Variants in KCNMA1 observed in about 807,000 individuals in gnomAD.
KCNMA1 encodes Calcium-activated potassium channel subunit alpha-1.
In KCNMA1, 29 loss-of-function variants were observed where a neutral mutation model predicts 140.0. That is an observed-to-expected ratio of 0.21 (90% CI 0.15 to 0.28). The LOEUF (loss-of-function observed/expected upper bound fraction) is 0.28, where lower values mean the gene tolerates loss of function less well. Among genes scored for constraint, KCNMA1 ranks in the 10% least tolerant of loss-of-function variants. The pLI, the probability that KCNMA1 is intolerant of heterozygous loss-of-function variation, is 1.00. For synonymous variants in KCNMA1, 612 were observed against 611.9 expected, an observed-to-expected ratio of 1.00 and a Z score of 0.00; for missense variants, 880 against 1,602.2, an observed-to-expected ratio of 0.55 and a Z score of 7.70.
chr10:77,258,187 G>A (rs1424593096), intron 2 of KCNMA1, among the ~76,000 whole-genome samples: 1 of 152,212 alleles, frequency 6.6e-6, no homozygotes, highest in Non-Finnish European at 1.5e-5. Context: ...TGAAAAGGTA[G>A]CCCTCACTTA....
chr10:76,875,151 T>C (rs2032131637), downstream of KCNMA1: 1 of 152,228 alleles, frequency 6.6e-6, no homozygotes, highest in Non-Finnish European at 1.5e-5. Flanking sequence ...ACAAATGTTA[T>C]TTCTGTTTCC....
intron 1 of KCNMA1, among the ~76,000 whole-genome samples, chr10:77,511,564 C>G (rs2048405336): frequency 6.6e-6 from 1 of 152,152 alleles, no homozygotes; most frequent in Admixed American, 6.5e-5. Context: ...GAGAGAAAAT[C>G]ATGGCAATGC....
chr10:77,302,940 G>C (rs565663938), intron 2 of KCNMA1, among the ~76,000 whole-genome samples: 1 of 152,088 alleles, frequency 6.6e-6, no homozygotes, highest in South Asian at 2.1e-4. Context: ...GGTTTGCAGG[G>C]GGGGGTTTCA....
rs962644965 is a variant in KCNMA1 at position 77,491,753 on chromosome 10, A to ACACACC, written c.379-87731_379-87730insGGTGTG. 2.1e-3 allele frequency among the ~76,000 whole-genome samples: 299 copies of ACACACC among 139,970 alleles called. 3 individuals carry two copies. Among genetic ancestry groups the ACACACC allele is most frequent in the African/African-American group, 7.3e-3 (276 of 38,064 alleles). 91.8% of individuals were successfully genotyped at this position (139,970 alleles called of 152,430 possible). A position where few individuals can be genotyped will look rare whatever the true frequency, so the allele number is the denominator to read the frequency against. ...CACACACACACACACACACACACAC[A>ACACACC]CCCTACATATACCACCAGGGAGTCT... On this transcript the variant is annotated intron_variant, in intron 1 of 27. Transcript: ENST00000286628.
intron 15 of KCNMA1, 26 bp downstream of exon 15, chr10:77,039,502 A>C: frequency 2.2e-6 from 3 of 1,333,438 alleles, no homozygotes; most frequent in Non-Finnish European, 3.2e-6. Context: ...TGAAAGCCAA[A>C]GAGCATCCAG....
chr10:77,321,242 A>C (rs1361777559), intron 2 of KCNMA1, among the ~76,000 whole-genome samples: 1 of 152,226 alleles, frequency 6.6e-6, no homozygotes, highest in Non-Finnish European at 1.5e-5. Flanking sequence ...TTCACCCTAC[A>C]TGCCATTCTA....
chr10:77,548,562 C>G (rs943888717), intron 1 of KCNMA1, among the ~76,000 whole-genome samples: 1 of 152,220 alleles, frequency 6.6e-6, no homozygotes, highest in African/African-American at 2.4e-5. Flanking sequence ...TGAAGCTGAC[C>G]TGGTGGCAGC....
chr10:77,239,973 A>G (rs1454153645), intron 3 of KCNMA1, among the ~76,000 whole-genome samples: 2 of 152,248 alleles, frequency 1.3e-5, no homozygotes, highest in African/African-American at 4.8e-5. Context: ...CAATGTGCCC[A>G]TTTAGCTAAG....
At chr10:77,123,806 C>T (rs2574787) in intron 5 of KCNMA1, among the ~76,000 whole-genome samples, 4,902 of 152,142 alleles carry the variant, frequency 0.032, 447 homozygotes, top group East Asian at 0.28. Context: ...ACTATACTTG[C>T]GCTTTGGGGC....
At chr10:77,421,457 G>C (rs1333306260) in intron 1 of KCNMA1, among the ~76,000 whole-genome samples, 1 of 152,194 alleles carries the variant, frequency 6.6e-6, no homozygotes, top group African/African-American at 2.4e-5. Flanking sequence ...AATTGTTTCT[G>C]TAAAGGGCCA....
At chr10:77,222,882 T>G (rs1252376694) in intron 3 of KCNMA1, among the ~76,000 whole-genome samples, 2 of 152,236 alleles carry the variant, frequency 1.3e-5, no homozygotes, top group Non-Finnish European at 2.9e-5. Flanking sequence ...GGCATGCTAC[T>G]GCAGAGTTTA....
At chr10:76,930,685 A>G (rs913407872) in intron 23 of KCNMA1, among the ~76,000 whole-genome samples, 1 of 152,232 alleles carries the variant, frequency 6.6e-6, no homozygotes, top group African/African-American at 2.4e-5. Flanking sequence ...TGTTTATTGG[A>G]GCACTATTCA....
chr10:77,211,985 C>T (rs1356575985), intron 3 of KCNMA1, among the ~76,000 whole-genome samples: 2 of 152,276 alleles, frequency 1.3e-5, no homozygotes, highest in Admixed American at 1.3e-4. Flanking sequence ...GGAATGTTTA[C>T]ACACTGTTGG....
rs529798838 is a variant in KCNMA1 at position 77,383,465 on chromosome 10, A to C, written c.540+20397T>G. ...GTATGATAAAATATACATAAGATAA[A>C]ATTTACCATTTAAGTAATTTTTAAG... On this transcript the variant is annotated intron_variant, in intron 2 of 27. Transcript: ENST00000286628. 4.6e-5 allele frequency among the ~76,000 whole-genome samples: 7 copies of C among 151,890 alleles called. No individual in the cohort carries two copies. The East Asian group carries it at 1.4e-3, about 29-fold the overall frequency.
At chr10:77,009,769 T>G (rs2090242652) in intron 18 of KCNMA1, among the ~76,000 whole-genome samples, 2 of 152,160 alleles carry the variant, frequency 1.3e-5, no homozygotes, top group Admixed American at 6.5e-5. Context: ...CGTCTCCCTA[T>G]CTGGATTGGG....
At chr10:76,904,073 A>C (rs377298008) in intron 25 of KCNMA1, 1 of 152,240 alleles carries the variant, frequency 6.6e-6, no homozygotes, top group East Asian at 1.9e-4. Flanking sequence ...TTGTAATTAC[A>C]TGTGATCTTA....
chr10:77,330,757 G>C (rs1300117990), intron 2 of KCNMA1, among the ~76,000 whole-genome samples: 1 of 152,172 alleles, frequency 6.6e-6, no homozygotes, highest in East Asian at 1.9e-4. Flanking sequence ...AGTGGGAAAA[G>C]CAGCCAGGGA....
intron 1 of KCNMA1, among the ~76,000 whole-genome samples, chr10:77,430,979 T>C (rs2097140778): frequency 6.6e-6 from 1 of 152,214 alleles, no homozygotes; most frequent in Admixed American, 6.5e-5. Context: ...TTCATGATTT[T>C]CTTGGGAAAT....
At chr10:77,067,695 C>A (rs2096011053) in intron 14 of KCNMA1, among the ~76,000 whole-genome samples, 1 of 152,202 alleles carries the variant, frequency 6.6e-6, no homozygotes, top group African/African-American at 2.4e-5. Flanking sequence ...TCATTCCTTA[C>A]CCTGACTCAG....
Sources: gnomAD v4.1 joint callset for allele counts (sites outside exome capture counted in the v4.1 genomes callset) on GRCh38, gnomAD v4.1.1 for gene constraint, MANE v1.5 for transcripts, NCBI Gene and HGNC (gene_info 2026-07-23, HGNC 2026-07-21) for gene names.